The following LRP1 variants were observed in gnomAD, a reference collection of about 807,000 sequenced individuals.
LRP1 encodes LDL receptor related protein 1, also known as prolow-density lipoprotein receptor-related protein 1.
Under a neutral mutation model 541.5 loss-of-function variants are expected in LRP1, and 51 were observed. That is an observed-to-expected ratio of 0.09 (90% CI 0.08 to 0.12). The LOEUF (loss-of-function observed/expected upper bound fraction) is 0.12. LRP1 is among the 10% of genes least tolerant of loss of function. LRP1 has a pLI of 1.00. For missense variants in LRP1, 3,878 were observed against 6,376.2 expected (o/e 0.61, Z 13.34); for synonymous variants, 2,219 against 2,470.8 (o/e 0.90, Z 3.02).
rs758327181 is a variant in LRP1 at position 57,187,405 on chromosome 12, C to T, written c.6980C>T (p.Thr2327Ile). The change falls in exon 42 of 89, where the codon ACT (threonine) becomes ATT (isoleucine). Residue 2327 changes from threonine to isoleucine, a missense_variant. Around this residue, in one of 13 missense-constraint regions of LRP1, gnomAD observed 1,100 missense variants for 1,827.4 expected, o/e 0.60. Transcript: ENST00000243077. The part of the protein sequence containing the change: ...PGAFERETVI[T>I]MSGDDHPRAF... ...GCCTTCGAGCGTGAGACCGTCATCA[C>T]TATGTCTGGAGATGACCACCCACGG... 6.2e-7 allele frequency: 1 copy of T among 1,614,172 alleles called. No individual in the cohort carries two copies. The highest frequency in any genetic ancestry group is 1.1e-5 in the South Asian group (1 of 91,082).
At position 57,154,500 on chromosome 12, in the gene LRP1, T is replaced by C. The variant is rs1297505977; in HGVS notation, c.1026T>C (p.Tyr342=). The C allele has an allele frequency of 1.2e-6, 2 of 1,614,170 alleles. No homozygotes were observed. The highest frequency in any genetic ancestry group is 1.7e-5 in the Admixed American group (1 of 60,028). ...PAMGKVFFTD[Y]GQIPKVERCD... ...ACAGGAAGGTGTTTTTCACTGACTA[T>C]GGGCAGATCCCAAAGGTGGAACGCT... The change falls in exon 8 of 89, where the codon TAT becomes TAC. Residue 342 remains tyrosine, a synonymous_variant. Transcript: ENST00000243077. This position sits in a 1 kb window ranked among gnomAD's most constrained non-coding sequence, Gnocchi z 4.6.
chr12:57,211,424 T>C lies in LRP1; in HGVS notation c.13092-63T>C. ...GTCCTAGCCCTGCCCTGCCCCTCCC[T>C]TCCTCAGCATCCCAGGCACGCCTCT... On this transcript the variant is annotated intron_variant, in intron 84 of 88. Transcript: ENST00000243077. This position sits in a 1 kb window ranked among gnomAD's most constrained non-coding sequence, Gnocchi z 4.3. 6.2e-7 allele frequency: 1 copy of C among 1,608,790 alleles called. No homozygotes were observed. The highest frequency in any genetic ancestry group is 8.5e-7 in the Non-Finnish European group (1 of 1,177,726).
intron 1 of LRP1, among the ~76,000 whole-genome samples, chr12:57,133,874 G>C (rs2035094228): frequency 6.6e-6 from 1 of 151,912 alleles, no homozygotes; most frequent in Non-Finnish European, 1.5e-5. Context: ...CTCCCTCAAG[G>C]GGGTATCAAA....
At chr12:57,174,192 C>T (rs1358295038) in intron 22 of LRP1, among the ~76,000 whole-genome samples, 1 of 152,232 alleles carries the variant, frequency 6.6e-6, no homozygotes, top group African/African-American at 2.4e-5. Flanking sequence ...AGTTTATCCA[C>T]AAGGCATCCC....
chr12:57,145,667 C>T (rs1379932263), intron 6 of LRP1, among the ~76,000 whole-genome samples, 177 bp downstream of exon 6: 4 of 152,152 alleles, frequency 2.6e-5, no homozygotes, highest in African/African-American at 9.7e-5. Context: ...CCGGCACGCT[C>T]CCTCCCAGCT....
Position 57,200,826 on chromosome 12 carries a change from G to GGGGCGCC in LRP1, c.10225+11_10225+12insGGGCGCC. ...ACGAGGCCAACTGTGGTAAGGCGCT[G>GGGGCGCC]CCCGCCCACCCTCCCTCCTTCCCCA... On this transcript the variant is annotated intron_variant, in intron 64 of 88. Coordinates refer to ENST00000243077, the MANE Select transcript of LRP1 (RefSeq NM_002332.3). 1 of 1,581,430 alleles carries GGGGCGCC rather than the reference G, an allele frequency of 6.3e-7. No individual in the cohort carries two copies. Among genetic ancestry groups the GGGGCGCC allele is most frequent in the Non-Finnish European group, 8.6e-7 (1 of 1,157,674 alleles).
intron 20 of LRP1, among the ~76,000 whole-genome samples, chr12:57,172,119 G>A (rs1471746500): frequency 4.0e-5 from 6 of 150,134 alleles, no homozygotes; most frequent in Admixed American, 6.6e-5. Context: ...GAGTACAGTG[G>A]CGTGATCTCG....
chr12:57,167,397 C>T, intron 18 of LRP1, 47 bp from the exon 19 acceptor site: 1 of 1,333,202 alleles, frequency 7.5e-7, no homozygotes. Context: ...TACTGTGATG[C>T]TGTGTAATCG....
Position 57,183,655 on chromosome 12 carries a change from C to A in LRP1, c.5795-120C>A. On this transcript the variant is annotated intron_variant, in intron 35 of 88. Coordinates refer to ENST00000243077, the MANE Select transcript of LRP1 (RefSeq NM_002332.3). The surrounding 1 kb of genome is among the most constrained non-coding windows in gnomAD (Gnocchi z 6.1). ...CAGCTGCCACCCTGACTCCACCTCC[C>A]CTTCAAGCACCTGGCCCCTCCGGCA... 6.7e-7 allele frequency: 1 copy of A among 1,488,960 alleles called. No homozygotes were observed. The allele number at this position is 1,488,960 out of a possible 1,614,324, so 92.2% of individuals were successfully genotyped here.
In LRP1 at chr12:57,204,314, C is replaced by T; in HGVS notation, c.10952-96C>T. ...CCAATTTGGCTGTGCCACTGCTTGC[C>T]TGGTGACCCCTCTGAGCCTGGAACC... On this transcript the variant is annotated intron_variant, in intron 70 of 88. Coordinates refer to ENST00000243077, the MANE Select transcript of LRP1 (RefSeq NM_002332.3). This position sits in a 1 kb window ranked among gnomAD's most constrained non-coding sequence, Gnocchi z 5.3. 7.3e-7 allele frequency: 1 copy of T among 1,369,804 alleles called. No individual in the cohort carries two copies. The highest frequency in any genetic ancestry group is 9.7e-7 in the Non-Finnish European group (1 of 1,034,934). 84.9% of individuals were successfully genotyped at this position (1,369,804 alleles called of 1,614,324 possible). A position where few individuals can be genotyped will look rare whatever the true frequency, so the allele number is the denominator to read the frequency against.
chr12:57,162,589 T>G lies in LRP1; in HGVS notation c.2404+71T>G. 6.5e-7 allele frequency: 1 copy of G among 1,547,076 alleles called. No homozygotes were observed. The highest frequency in any genetic ancestry group is 8.9e-7 in the Non-Finnish European group (1 of 1,128,462). Reference sequence around the variant, plus strand: ...TGGGACTTAGGCATTGATTTGAGACTTCCCTGGGAGTGAAGGCACTTCCCA... The same window carrying G: ...TGGGACTTAGGCATTGATTTGAGACGTCCCTGGGAGTGAAGGCACTTCCCA... On this transcript the variant is annotated intron_variant, in intron 14 of 88. Coordinates refer to ENST00000243077, the MANE Select transcript of LRP1 (RefSeq NM_002332.3). The surrounding 1 kb of genome is among the most constrained non-coding windows in gnomAD (Gnocchi z 5.2).
chr12:57,157,739 T>C (rs2035649202), intron 10 of LRP1, among the ~76,000 whole-genome samples: 1 of 152,230 alleles, frequency 6.6e-6, no homozygotes, highest in African/African-American at 2.4e-5. Flanking sequence ...TGTAACTCCC[T>C]GAGGGAGGAG....
At position 57,201,659 on chromosome 12, in the gene LRP1, G is replaced by T; in HGVS notation, c.10468+40G>T. On this transcript the variant is annotated intron_variant, in intron 66 of 88. Coordinates refer to ENST00000243077, the MANE Select transcript of LRP1 (RefSeq NM_002332.3). The surrounding 1 kb of genome is among the most constrained non-coding windows in gnomAD (Gnocchi z 6.4). ...CTGGAGCCCAGCTTCCCTCCCCAGT[G>T]TCTGCTGCTCACACCACCCCGACGT... 1.2e-6 allele frequency: 2 copies of T among 1,602,876 alleles called. No individual in the cohort carries two copies. Among genetic ancestry groups the T allele is most frequent in the Non-Finnish European group, 1.7e-6 (2 of 1,172,032 alleles).
At position 57,179,532 on chromosome 12, in the gene LRP1, G is replaced by A. The variant is rs768022864; in HGVS notation, c.4942G>A (p.Gly1648Ser). The change falls in exon 29 of 89, where the codon GGC (glycine) becomes AGC (serine). Residue 1648 changes from glycine (G) to serine (S), a missense_variant. Gly to Ser is a moderately conservative substitution (Grantham distance 56). This residue lies in a region of LRP1 where 394 missense variants were observed against 635.9 expected (regional missense o/e 0.62). Coordinates refer to ENST00000243077, the MANE Select transcript of LRP1 (RefSeq NM_002332.3). This position sits in a 1 kb window ranked among gnomAD's most constrained non-coding sequence, Gnocchi z 6.8. ...AIKRAFINGT[G>S]VETVVSADLP... is the part of the protein sequence containing the mutation. ...CAAGCGGGCCTTCATCAACGGCACA[G>A]GCGTGGAGACAGTCGTCTCTGCAGG... 1.2e-6 allele frequency: 2 copies of A among 1,614,138 alleles called. No individual in the cohort carries two copies. The highest frequency in any genetic ancestry group is 1.1e-5 in the South Asian group (1 of 91,080).
chr12:57,209,947 G>A (rs529378582), intron 80 of LRP1, 79 bp downstream of exon 80: 13 of 1,590,842 alleles, frequency 8.2e-6, no homozygotes, highest in African/African-American at 1.3e-5. Context: ...CTGGGACCTG[G>A]TGGAGAGGGG....
intron 3 of LRP1, among the ~76,000 whole-genome samples, 154 bp from the exon 4 acceptor site, chr12:57,143,525 A>G (rs1258654117): frequency 6.6e-6 from 1 of 152,198 alleles, no homozygotes; most frequent in African/African-American, 2.4e-5. Context: ...CACTTGTGAA[A>G]TATGGTAGAT....
chr12:57,201,958 T>A lies in LRP1; in HGVS notation c.10594+53T>A, dbSNP rs1450129526. The A allele has an allele frequency of 6.2e-7, 1 of 1,605,070 alleles. No homozygotes were observed. Among genetic ancestry groups the A allele is most frequent in the Admixed American group, 1.7e-5 (1 of 59,892 alleles). ...AGACAGTCTACCTGGGTGGGAGGCA[T>A]GGCACCCCTGGCAGGTGGAGGGCTG... is the stretch of plus-strand genomic sequence containing the variant. On this transcript the variant is annotated intron_variant, in intron 67 of 88. Coordinates refer to ENST00000243077, the MANE Select transcript of LRP1 (RefSeq NM_002332.3). The surrounding 1 kb of genome is among the most constrained non-coding windows in gnomAD (Gnocchi z 6.4).
intron 34 of LRP1, among the ~76,000 whole-genome samples, chr12:57,182,843 AG>A (rs2136707858): frequency 6.6e-6 from 1 of 152,288 alleles, no homozygotes; most frequent in South Asian, 2.1e-4. Context: ...GAAAAACAAA[AG>A]AAAAGAAAAG....
Position 57,178,907 on chromosome 12 carries a change from G to A in LRP1, c.4624G>A (p.Ala1542Thr), listed in dbSNP as rs748882871. 1.2e-6 allele frequency: 2 copies of A among 1,613,518 alleles called. No homozygotes were observed. Among genetic ancestry groups the A allele is most frequent in the Non-Finnish European group, 1.7e-6 (2 of 1,179,906 alleles). The stretch of plus-strand genomic sequence containing the variant: ...GCCCCCAGCTCCCAATCCCTGTGAG[G>A]CCAATGGGGGCCAGGGCCCCTGCTC... ...RQPMAPNPCE[A>T]NGGQGPCSHL... is the part of the protein sequence containing the mutation. The change falls in exon 28 of 89, where the codon GCC (alanine) becomes ACC (threonine). Residue 1542 changes from alanine (A) to threonine (T), a missense_variant. By Grantham distance (58) the Ala-to-Thr change is moderately conservative. Coordinates refer to ENST00000243077, the MANE Select transcript of LRP1 (RefSeq NM_002332.3). The surrounding 1 kb of genome is among the most constrained non-coding windows in gnomAD (Gnocchi z 5.8).
Sources: gnomAD v4.1 joint callset for allele counts (sites outside exome capture counted in the v4.1 genomes callset) on GRCh38, gnomAD v4.1.1 for gene constraint, gnomAD v4.1.1 regional missense constraint, Gnocchi (gnomAD v3.1) non-coding constraint, MANE v1.5 for transcripts, NCBI Gene and HGNC (gene_info 2026-07-23, HGNC 2026-07-21) for gene names.